The following HCN1 variants were observed in gnomAD, a reference collection of about 807,000 sequenced individuals.
HCN1 encodes the protein hyperpolarization activated cyclic nucleotide gated potassium channel 1, also known as potassium/sodium hyperpolarization-activated cyclic nucleotide-gated channel 1.
Under a neutral mutation model 78.9 loss-of-function variants are expected in HCN1, and 13 were observed. That is an observed-to-expected ratio of 0.16 (90% CI 0.11 to 0.26). HCN1 has a LOEUF of 0.26. Ranked by LOEUF, HCN1 falls within the 10% of genes least tolerant of loss-of-function variation. HCN1 has a pLI of 1.00. For missense variants in HCN1, 810 were observed against 1,154.3 expected, an observed-to-expected ratio of 0.70 and a Z score of 4.32; for synonymous variants, 552 against 455.5, an observed-to-expected ratio of 1.21 and a Z score of -2.70.
chr5:45,507,168 C>T (rs113038764), intron 2 of HCN1, among the ~76,000 whole-genome samples: 48 of 152,244 alleles, frequency 3.2e-4, no homozygotes, highest in African/African-American at 1.0e-3. Context: ...GTTTTTTAAA[C>T]TAGGTAGGAA....
intron 2 of HCN1, among the ~76,000 whole-genome samples, chr5:45,580,740 C>T (rs557496985): frequency 7.9e-5 from 12 of 152,144 alleles, no homozygotes; most frequent in African/African-American, 2.9e-4. Flanking sequence ...TTCCTGTGGC[C>T]ATGTGTTCTC....
chr5:45,274,003 A>C (rs958075180), intron 6 of HCN1, among the ~76,000 whole-genome samples: 2 of 152,118 alleles, frequency 1.3e-5, no homozygotes, highest in African/African-American at 2.4e-5. Flanking sequence ...AATAGGTGCA[A>C]ATTTTTTAGT....
intron 6 of HCN1, among the ~76,000 whole-genome samples, chr5:45,288,451 G>A (rs1218918520): frequency 6.6e-6 from 1 of 151,862 alleles, no homozygotes; most frequent in Non-Finnish European, 1.5e-5. Flanking sequence ...CGGAATCATT[G>A]GTCTGAAAGG....
At chr5:45,345,716 T>C (rs1272658392) in intron 5 of HCN1, among the ~76,000 whole-genome samples, 3 of 152,222 alleles carry the variant, frequency 2.0e-5, no homozygotes. Context: ...TTTCAGCATT[T>C]TGGTCAAAGC....
At chr5:45,482,427 A>G (rs1741673385) in intron 2 of HCN1, among the ~76,000 whole-genome samples, 1 of 152,122 alleles carries the variant, frequency 6.6e-6, no homozygotes, top group Admixed American at 6.6e-5. Flanking sequence ...GATCCCCTTA[A>G]CATCCTGGAG....
At chr5:45,533,844 G>C (rs1381335299) in intron 2 of HCN1, among the ~76,000 whole-genome samples, 1 of 152,118 alleles carries the variant, frequency 6.6e-6, no homozygotes, top group Non-Finnish European at 1.5e-5. Context: ...TGGTGACATT[G>C]TCCCAAGAAG....
At chr5:45,324,227 A>C (rs1339629822) in intron 5 of HCN1, among the ~76,000 whole-genome samples, 1 of 151,966 alleles carries the variant, frequency 6.6e-6, no homozygotes. Flanking sequence ...CAACCTACAG[A>C]ATGGGAGAAA....
chr5:45,621,757 T>C (rs1035749503), intron 2 of HCN1, among the ~76,000 whole-genome samples: 2 of 152,152 alleles, frequency 1.3e-5, no homozygotes, highest in African/African-American at 4.8e-5. Context: ...ACGAATCTAG[T>C]AGTTTGAATC....
intron 5 of HCN1, among the ~76,000 whole-genome samples, chr5:45,305,220 AAAG>A (rs1163430469): frequency 6.6e-6 from 1 of 152,168 alleles, no homozygotes; most frequent in African/African-American, 2.4e-5. Context: ...CAAGACTGAG[AAAG>A]AAGGTTTCTA....
rs1744721305 is a variant in HCN1 at position 45,260,727 on chromosome 5, T to C, written c.*1194A>G. Reference sequence around the variant, plus strand: ...TTACAAATAATTATTTAAATAATAATAGCAATAATATTAAATAAAAGTGAA... The same window carrying C: ...TTACAAATAATTATTTAAATAATAACAGCAATAATATTAAATAAAAGTGAA... On this transcript the variant is annotated 3_prime_UTR_variant, in exon 8 of 8. Coordinates refer to ENST00000303230, the MANE Select transcript of HCN1 (RefSeq NM_021072.4). 6.6e-6 allele frequency: 1 copy of C among 152,566 alleles called. No homozygotes were observed. The highest frequency in any genetic ancestry group is 1.5e-5 in the Non-Finnish European group (1 of 68,012). The allele number at this position is 152,566 out of a possible 1,614,324, so 9.5% of individuals were successfully genotyped here. A position where few individuals can be genotyped will look rare whatever the true frequency, so the allele number is the denominator to read the frequency against.
At chr5:45,395,927 C>T (rs1212732610) in intron 4 of HCN1, among the ~76,000 whole-genome samples, 1 of 152,092 alleles carries the variant, frequency 6.6e-6, no homozygotes, top group African/African-American at 2.4e-5. Context: ...GAGCAGCAAT[C>T]ATTTTAATTA....
chr5:45,658,805 G>A (rs1035573516), intron 1 of HCN1, among the ~76,000 whole-genome samples: 29 of 151,796 alleles, frequency 1.9e-4, no homozygotes, highest in Admixed American at 2.6e-4. Flanking sequence ...AGGGTCCTAC[G>A]CCCACGGAAT....
At chr5:45,376,182 CATATAAT>C (rs1747652045) in intron 4 of HCN1, among the ~76,000 whole-genome samples, 1 of 7,346 alleles carries the variant, frequency 1.4e-4, no homozygotes, top group Non-Finnish European at 2.4e-4. Context: ...TAATATATTA[CATATAAT>C]ATATATAACA....
chr5:45,588,056 G>GATAC (rs1364805955), intron 2 of HCN1, among the ~76,000 whole-genome samples: 2 of 152,112 alleles, frequency 1.3e-5, no homozygotes, highest in African/African-American at 4.8e-5. Flanking sequence ...AATTGTGAGA[G>GATAC]ATACATTTCT....
At position 45,601,177 on chromosome 5, in the gene HCN1, C is replaced by G. The variant is rs150061420; in HGVS notation, c.849+44008G>C. Reference sequence around the variant, plus strand: ...CACCTTGGAGAGTAGGTGGGCACATCTGGATTTTGTTGTGTGTCTATGTCA... The same window carrying G: ...CACCTTGGAGAGTAGGTGGGCACATGTGGATTTTGTTGTGTGTCTATGTCA... On this transcript the variant is annotated intron_variant, in intron 2 of 7. Transcript: ENST00000303230. 5.0e-3 allele frequency among the ~76,000 whole-genome samples: 758 copies of G among 152,208 alleles called. 2 individuals carry two copies. Among genetic ancestry groups the G allele is most frequent in the African/African-American group, 0.017 (721 of 41,544 alleles).
At chr5:45,406,744 C>T (rs1739933075) in intron 3 of HCN1, among the ~76,000 whole-genome samples, 2 of 152,056 alleles carry the variant, frequency 1.3e-5, no homozygotes, top group African/African-American at 2.4e-5. Context: ...TATGTTTCTT[C>T]TCAACCACCA....
Position 45,695,704 on chromosome 5 carries a change from T to A in HCN1, c.390A>T (p.Ala130=). The A allele has an allele frequency of 6.2e-7, 1 of 1,612,524 alleles. No homozygotes were observed. The highest frequency in any genetic ancestry group is 8.5e-7 in the Non-Finnish European group (1 of 1,179,662). The part of the protein sequence containing the change: ...VEKEQERVKT[A]GFWIIHPYSD... Reference sequence around the variant, plus strand: ...TGTAAGGGTGGATAATCCAGAAGCCTGCAGTTTTAACCCTTTCCTGCTCCT... The same window carrying A: ...TGTAAGGGTGGATAATCCAGAAGCCAGCAGTTTTAACCCTTTCCTGCTCCT... The change falls in exon 1 of 8, where the codon GCA becomes GCT. Residue 130 remains alanine, a synonymous_variant. Coordinates refer to ENST00000303230, the MANE Select transcript of HCN1 (RefSeq NM_021072.4).
At position 45,695,590 on chromosome 5, in the gene HCN1, C is replaced by A. The variant is rs551396958; in HGVS notation, c.425+79G>T. 37 of 1,404,236 alleles carry A rather than the reference C, an allele frequency of 2.6e-5. No homozygotes were observed. In the African/African-American group the frequency reaches 5.3e-4, roughly 20 times the overall value. The allele number at this position is 1,404,236 out of a possible 1,614,324, so 87.0% of individuals were successfully genotyped here. ...CCGCCCGCCCTCCTAGTCCCCGGGA[C>A]GCCCCCCACCCAAGGGCGGGGAAGC... On this transcript the variant is annotated intron_variant, in intron 1 of 7. Coordinates refer to ENST00000303230, the MANE Select transcript of HCN1 (RefSeq NM_021072.4).
intron 3 of HCN1, among the ~76,000 whole-genome samples, chr5:45,431,094 C>T (rs1419857864): frequency 6.6e-6 from 1 of 152,152 alleles, no homozygotes; most frequent in Non-Finnish European, 1.5e-5. Context: ...TGTAACTTTA[C>T]CAGCATCTGT....
Sources: allele counts gnomAD v4.1 joint callset (sites outside exome capture counted in the v4.1 genomes callset), GRCh38; gene constraint gnomAD v4.1.1; transcripts MANE v1.5; gene names NCBI Gene and HGNC (gene_info 2026-07-23, HGNC 2026-07-21).